CNTN3: variants seen among roughly 807,000 people sequenced by gnomAD.
CNTN3 encodes the protein contactin-3.
A neutral mutation model predicts 119.1 loss-of-function variants in CNTN3; 60 were observed. The observed-to-expected ratio is 0.50, with a 90% CI of 0.41 to 0.62. CNTN3 has a LOEUF of 0.62. Among genes scored for constraint, CNTN3 ranks in the 20% least tolerant of loss-of-function variants. The probability of loss-of-function intolerance (pLI) is 0.00; values close to 1 mark genes in which losing one functional copy is unlikely to be tolerated. For missense variants in CNTN3, 1,101 were observed against 1,242.4 expected (o/e 0.89, Z 1.71); for synonymous variants, 450 against 438.7 (o/e 1.03, Z -0.32).
At chr3:74,508,680 A>T (rs912987952) in intron 2 of CNTN3, among the ~76,000 whole-genome samples, 4 of 152,068 alleles carry the variant, frequency 2.6e-5, no homozygotes, top group Non-Finnish European at 5.9e-5. Context: ...ATTCTACTCT[A>T]TTCTATTCCA....
intron 4 of CNTN3, among the ~76,000 whole-genome samples, chr3:74,432,159 G>C (rs1037792593): frequency 6.6e-5 from 10 of 152,062 alleles, no homozygotes; most frequent in African/African-American, 2.4e-4. Context: ...AAAGAATCAG[G>C]TCGCTGCCAA....
intron 13 of CNTN3, among the ~76,000 whole-genome samples, chr3:74,326,842 A>G (rs1030722772): frequency 6.6e-6 from 1 of 152,118 alleles, no homozygotes; most frequent in Non-Finnish European, 1.5e-5. Context: ...TGTCCAAATG[A>G]TATTTGTGTG....
At chr3:74,392,260 T>G (rs1300522478) in intron 5 of CNTN3, among the ~76,000 whole-genome samples, 3 of 152,244 alleles carry the variant, frequency 2.0e-5, no homozygotes, top group Non-Finnish European at 4.4e-5. Flanking sequence ...AGGGAGTTAC[T>G]GATGAAGTAA....
At chr3:74,327,780 T>A (rs1703167346) in intron 13 of CNTN3, among the ~76,000 whole-genome samples, 1 of 152,008 alleles carries the variant, frequency 6.6e-6, no homozygotes, top group South Asian at 2.1e-4. Context: ...ATTTCATTTT[T>A]ATTTTAAATT....
intron 1 of CNTN3, among the ~76,000 whole-genome samples, chr3:74,544,570 C>T (rs377529399): frequency 2.2e-4 from 34 of 152,096 alleles, no homozygotes; most frequent in African/African-American, 8.2e-4. Context: ...ATTTAATACA[C>T]GTATCCTAGA....
chr3:74,357,670 C>T (rs1703969092), intron 11 of CNTN3, among the ~76,000 whole-genome samples: 1 of 152,122 alleles, frequency 6.6e-6, no homozygotes. Context: ...AGAATATTGG[C>T]TTAATCAAAA....
At chr3:74,374,330 C>T (rs2106797168) in intron 5 of CNTN3, among the ~76,000 whole-genome samples, 1 of 151,096 alleles carries the variant, frequency 6.6e-6, no homozygotes, top group South Asian at 2.1e-4. Flanking sequence ...TTTTATAAGT[C>T]TGATCCTTTA....
intron 20 of CNTN3, among the ~76,000 whole-genome samples, chr3:74,275,661 A>C (rs1168989993): frequency 6.6e-6 from 1 of 152,102 alleles, no homozygotes; most frequent in East Asian, 1.9e-4. Context: ...TCAAAACAGA[A>C]CCTCTTTAAA....
chr3:74,411,370 T>C (rs1701436137), intron 5 of CNTN3, among the ~76,000 whole-genome samples: 1 of 152,262 alleles, frequency 6.6e-6, no homozygotes, highest in African/African-American at 2.4e-5. Context: ...AGGTCAGCGC[T>C]TCCTGAAGTG....
intron 5 of CNTN3, among the ~76,000 whole-genome samples, chr3:74,393,753 A>C (rs1485887627): frequency 3.3e-5 from 5 of 152,204 alleles, no homozygotes; most frequent in Admixed American, 3.3e-4. Context: ...CTGTGATTCC[A>C]AATCCACCAC....
chr3:74,301,641 C>T lies in CNTN3; in HGVS notation c.1945+6G>A, dbSNP rs1230781908. 6.2e-7 allele frequency: 1 copy of T among 1,613,860 alleles called. No individual in the cohort carries two copies. The highest frequency in any genetic ancestry group is 8.5e-7 in the Non-Finnish European group (1 of 1,179,866). On this transcript the variant is annotated splice_donor_region_variant and intron_variant, in intron 15 of 22. Coordinates refer to ENST00000263665, the MANE Select transcript of CNTN3 (RefSeq NM_020872.3). The stretch of plus-strand genomic sequence containing the variant: ...GTGCAGATGACATCTGCCTCTCCTG[C>T]TTTACCTGTTGTGACGGTTTGCCAA...
intron 13 of CNTN3, among the ~76,000 whole-genome samples, chr3:74,329,540 G>A (rs1703210885): frequency 6.6e-6 from 1 of 152,068 alleles, no homozygotes; most frequent in Non-Finnish European, 1.5e-5. Context: ...GGGAGCCTCT[G>A]GCATATAATG....
At chr3:74,395,768 G>T (rs145082821) in intron 5 of CNTN3, among the ~76,000 whole-genome samples, 1,932 of 152,142 alleles carry the variant, frequency 0.013, 13 homozygotes, top group African/African-American at 0.018. Context: ...GTGTGTGTGT[G>T]TTTTTTTAAA....
chr3:74,354,149 A>C (rs1703880459), intron 11 of CNTN3, among the ~76,000 whole-genome samples: 1 of 152,138 alleles, frequency 6.6e-6, no homozygotes, highest in Admixed American at 6.5e-5. Flanking sequence ...ATAGTTATTC[A>C]TATTTGGAAA....
At chr3:74,447,951 G>T (rs1010402916) in intron 4 of CNTN3, among the ~76,000 whole-genome samples, 1 of 152,156 alleles carries the variant, frequency 6.6e-6, no homozygotes, top group African/African-American at 2.4e-5. Flanking sequence ...TCAGGATGCA[G>T]CCCAGCTTAA....
chr3:74,584,005 T>G (rs926718116), intron 1 of CNTN3, among the ~76,000 whole-genome samples: 2 of 152,194 alleles, frequency 1.3e-5, no homozygotes, highest in Non-Finnish European at 2.9e-5. Context: ...CTTTTTCATT[T>G]GGACAAATGG....
chr3:74,512,710 A>AAAAAAAAAAAAAAAAAAAAC (rs1703389548), intron 2 of CNTN3, among the ~76,000 whole-genome samples: 1 of 150,346 alleles, frequency 6.7e-6, no homozygotes, highest in Admixed American at 6.6e-5. Context: ...AAAAAAAAAA[A>AAAAAAAAAAAAAAAAAAAAC]AAAAAGAAAG....
At chr3:74,308,467 A>G (rs577993366) in intron 13 of CNTN3, among the ~76,000 whole-genome samples, 4 of 152,340 alleles carry the variant, frequency 2.6e-5, no homozygotes, top group Non-Finnish European at 4.4e-5. Flanking sequence ...TTGTTCCATC[A>G]TAAGTGTTTT....
chr3:74,532,020 GAGA>G (rs2107136441), intron 1 of CNTN3, among the ~76,000 whole-genome samples: 1 of 151,986 alleles, frequency 6.6e-6, no homozygotes, highest in South Asian at 2.1e-4. Context: ...GAAAAAACAG[GAGA>G]AGGAGGGATA....
Sources: gnomAD v4.1 joint callset for allele counts (sites outside exome capture counted in the v4.1 genomes callset) on GRCh38, gnomAD v4.1.1 for gene constraint, MANE v1.5 for transcripts, NCBI Gene and HGNC (gene_info 2026-07-23, HGNC 2026-07-21) for gene names.